Variants in STAU2 observed in about 807,000 individuals in gnomAD.
The protein encoded by STAU2 is double-stranded RNA-binding protein Staufen homolog 2.
A neutral mutation model predicts 65.9 loss-of-function variants in STAU2; 20 were observed. The ratio of observed to expected loss-of-function variants is 0.30; its 90% CI spans 0.21 to 0.44. STAU2 has a LOEUF of 0.44. Ranked by LOEUF, STAU2 falls within the 20% of genes least tolerant of loss-of-function variation. The pLI is 1.00. For synonymous variants in STAU2, 232 were observed against 233.9 expected, an observed-to-expected ratio of 0.99 and a Z score of 0.07; for missense variants, 558 against 683.9, an observed-to-expected ratio of 0.82 and a Z score of 2.05.
At chr8:73,557,043 A>G (rs181743643) in intron 12 of STAU2, among the ~76,000 whole-genome samples, 237 of 152,354 alleles carry the variant, frequency 1.6e-3, no homozygotes, top group Admixed American at 5.8e-3. Flanking sequence ...AATAACTTAA[A>G]TGTTATAATT....
At chr8:73,512,757 C>T (rs1375042800) in intron 13 of STAU2, among the ~76,000 whole-genome samples, 1 of 152,120 alleles carries the variant, frequency 6.6e-6, no homozygotes, top group Non-Finnish European at 1.5e-5. Flanking sequence ...ACACGCTGAT[C>T]TATCTTGAAG....
rs1449722689 is a variant in STAU2 at position 73,420,394 on chromosome 8, T to C, written c.*978A>G. 7 of 339,068 alleles carry C rather than the reference T, an allele frequency of 2.1e-5. No individual in the cohort carries two copies. The highest frequency in any genetic ancestry group is 1.5e-4 in the African/African-American group (7 of 46,624). The allele number at this position is 339,068 out of a possible 1,614,324, so 21.0% of individuals were successfully genotyped here. Reference sequence around the variant, plus strand: ...TTCACACAGAAACCAACCACATTTTTACTGCATCTGCTCCACGCTGGATTC... The same window carrying C: ...TTCACACAGAAACCAACCACATTTTCACTGCATCTGCTCCACGCTGGATTC... On this transcript the variant is annotated 3_prime_UTR_variant, in exon 15 of 15. Transcript: ENST00000524300.
chr8:73,560,822 T>C (rs116206038), intron 12 of STAU2, among the ~76,000 whole-genome samples: 2,450 of 152,308 alleles, frequency 0.016, 63 homozygotes, highest in African/African-American at 0.054. Flanking sequence ...AAAGATCAAT[T>C]TATGATGAAC....
intron 13 of STAU2, among the ~76,000 whole-genome samples, chr8:73,501,219 T>A (rs1821733316): frequency 6.6e-6 from 1 of 151,800 alleles, no homozygotes; most frequent in African/African-American, 2.4e-5. Context: ...CAGTTGAATA[T>A]TTACTAAATA....
intron 6 of STAU2, among the ~76,000 whole-genome samples, chr8:73,617,720 C>A (rs1396078852): frequency 4.6e-5 from 7 of 152,058 alleles, no homozygotes; most frequent in Admixed American, 2.0e-4. Flanking sequence ...CAGGATACTT[C>A]CTGGTGAGAA....
chr8:73,743,058 T>G (rs1806994564), intron 1 of STAU2, among the ~76,000 whole-genome samples: 1 of 152,172 alleles, frequency 6.6e-6, no homozygotes. Flanking sequence ...AATTCAATGC[T>G]TATTACTCTA....
At chr8:73,593,313 A>G (rs960822416) in intron 11 of STAU2, among the ~76,000 whole-genome samples, 1 of 152,182 alleles carries the variant, frequency 6.6e-6, no homozygotes, top group African/African-American at 2.4e-5. Context: ...TTAAATAAGC[A>G]TTTCTTCAAA....
At chr8:73,480,347 A>G (rs913327325) in intron 13 of STAU2, among the ~76,000 whole-genome samples, 4 of 152,216 alleles carry the variant, frequency 2.6e-5, no homozygotes, top group Non-Finnish European at 5.9e-5. Flanking sequence ...AGATAAAGGA[A>G]TAAGACATGA....
At chr8:73,711,004 C>G (rs1034573211) in intron 3 of STAU2, among the ~76,000 whole-genome samples, 1 of 151,500 alleles carries the variant, frequency 6.6e-6, no homozygotes, top group East Asian at 1.9e-4. Flanking sequence ...GATTAAGAAA[C>G]TATTTTATAA....
At chr8:73,471,595 A>G (rs1360530706) in intron 13 of STAU2, among the ~76,000 whole-genome samples, 3 of 151,176 alleles carry the variant, frequency 2.0e-5, no homozygotes, top group African/African-American at 7.3e-5. Flanking sequence ...GAGGTGGGTA[A>G]ATCACCCGAG....
chr8:73,651,952 C>T (rs1305512581), intron 6 of STAU2, among the ~76,000 whole-genome samples: 2 of 152,198 alleles, frequency 1.3e-5, no homozygotes, highest in Non-Finnish European at 2.9e-5. Flanking sequence ...TTATTAAAGC[C>T]ACCTCTTCAC....
chr8:73,537,234 G>A (rs1806237983), intron 13 of STAU2, among the ~76,000 whole-genome samples: 1 of 151,890 alleles, frequency 6.6e-6, no homozygotes, highest in South Asian at 2.1e-4. Context: ...GTGCTTCAAG[G>A]GTCTGTGAGA....
rs928138728 is a variant in STAU2 at position 73,448,845 on chromosome 8, G to C, written c.1531-26143C>G. ...CGTCGCGTGCCTGCACTGTGGGAAC[G>C]CAAGTGGACAGCCGGTCCCTGCCGT... On this transcript the variant is annotated intron_variant, in intron 13 of 14. Coordinates refer to ENST00000524300, the MANE Select transcript of STAU2 (RefSeq NM_001164380.2). Among the ~76,000 whole-genome samples, 10 of 152,266 alleles carry C rather than the reference G, an allele frequency of 6.6e-5. 1 individual carries two copies. The South Asian group carries it at 1.4e-3, about 22-fold the overall frequency.
At chr8:73,590,027 A>C (rs1335689810) in intron 11 of STAU2, among the ~76,000 whole-genome samples, 1 of 151,276 alleles carries the variant, frequency 6.6e-6, no homozygotes, top group Non-Finnish European at 1.5e-5. Context: ...GAAGAAGAAC[A>C]ATAGGGAAGG....
chr8:73,558,108 T>G (rs1047070551), intron 12 of STAU2, among the ~76,000 whole-genome samples: 6 of 152,236 alleles, frequency 3.9e-5, no homozygotes, highest in Non-Finnish European at 7.3e-5. Context: ...CCTCTAGAGT[T>G]TGAATACTTA....
chr8:73,687,310 A>T (rs1417021807), intron 5 of STAU2, among the ~76,000 whole-genome samples: 1 of 118,652 alleles, frequency 8.4e-6, no homozygotes, highest in African/African-American at 3.4e-5. Context: ...TTATAAATAT[A>T]ATTTATATTT....
intron 3 of STAU2, among the ~76,000 whole-genome samples, chr8:73,736,577 T>G (rs7009095): frequency 0.21 from 31,813 of 152,140 alleles, 3,644 homozygotes; most frequent in East Asian, 0.39. Context: ...AGAGGAAATC[T>G]GTGCAAATCC....
chr8:73,699,001 C>T (rs1819890857), intron 4 of STAU2, among the ~76,000 whole-genome samples: 2 of 148,216 alleles, frequency 1.3e-5, no homozygotes, highest in Non-Finnish European at 3.0e-5. Flanking sequence ...CTTCACTGAC[C>T]ACAATGGAAT....
At chr8:73,622,138 T>TCACTGTG (rs1563464042) in intron 6 of STAU2, among the ~76,000 whole-genome samples, 13 of 63,128 alleles carry the variant, frequency 2.1e-4, no homozygotes, top group East Asian at 6.6e-4. Flanking sequence ...TTTTTTTTTT[T>TCACTGTG]TTTTTTTGAG....
Sources: allele counts gnomAD v4.1 joint callset (sites outside exome capture counted in the v4.1 genomes callset), GRCh38; gene constraint gnomAD v4.1.1; transcripts MANE v1.5; gene names NCBI Gene and HGNC (gene_info 2026-07-23, HGNC 2026-07-21).